The following RORB variants were observed in gnomAD, a reference collection of about 807,000 sequenced individuals.
RORB encodes RAR related orphan receptor B, also known as nuclear receptor ROR-beta.
A neutral mutation model predicts 59.1 loss-of-function variants in RORB; 6 were observed. That is an observed-to-expected ratio of 0.10 (90% CI 0.06 to 0.20). The LOEUF (loss-of-function observed/expected upper bound fraction) is 0.20, where lower values mean the gene tolerates loss of function less well. RORB is among the 10% of genes least tolerant of loss of function. The pLI is 1.00. For missense variants in RORB, 320 were observed against 560.5 expected, an observed-to-expected ratio of 0.57 and a Z score of 4.33; for synonymous variants, 215 against 204.5, an observed-to-expected ratio of 1.05 and a Z score of -0.44.
At chr9:74,654,687 T>G (rs1226911581) in intron 4 of RORB, among the ~76,000 whole-genome samples, 2 of 152,094 alleles carry the variant, frequency 1.3e-5, no homozygotes, top group Non-Finnish European at 2.9e-5. Flanking sequence ...AGACTTCTTT[T>G]TATTTGATTC....
chr9:74,670,333 C>T (rs1013774735), intron 8 of RORB, among the ~76,000 whole-genome samples: 1 of 152,108 alleles, frequency 6.6e-6, no homozygotes, highest in South Asian at 2.1e-4. Flanking sequence ...TCACTTTTCT[C>T]TTTGGGTATA....
intron 1 of RORB, among the ~76,000 whole-genome samples, chr9:74,535,736 A>C (rs1826313064): frequency 1.3e-5 from 2 of 152,030 alleles, no homozygotes; most frequent in Admixed American, 1.3e-4. Context: ...GAGCTATCCA[A>C]ATTCAGAAAA....
intron 3 of RORB, among the ~76,000 whole-genome samples, chr9:74,635,282 C>A (rs531776355): frequency 2.6e-5 from 4 of 152,074 alleles, no homozygotes; most frequent in Non-Finnish European, 5.9e-5. Context: ...ACTATCTGAG[C>A]CCATAATGAA....
chr9:74,527,417 A>C (rs1563928789), intron 1 of RORB, among the ~76,000 whole-genome samples: 1 of 152,044 alleles, frequency 6.6e-6, no homozygotes, highest in African/African-American at 2.4e-5. Context: ...TACATTCCAG[A>C]AGGGAAGGAC....
chr9:74,641,526 C>A (rs1010964659), intron 3 of RORB, among the ~76,000 whole-genome samples: 3 of 152,192 alleles, frequency 2.0e-5, no homozygotes, highest in African/African-American at 2.4e-5. Context: ...CAAAAGCCAA[C>A]TGAAGGCAAA....
chr9:74,543,438 G>C (rs1826442793), intron 1 of RORB, among the ~76,000 whole-genome samples: 1 of 152,058 alleles, frequency 6.6e-6, no homozygotes, highest in South Asian at 2.1e-4. Flanking sequence ...AATCCTCTTT[G>C]TTCATTCTTT....
Position 74,671,874 on chromosome 9 carries a change from T to C in RORB, c.1197T>C (p.Asn399=). 1 of 1,610,406 alleles carries C rather than the reference T, an allele frequency of 6.2e-7. No individual in the cohort carries two copies. Among genetic ancestry groups the C allele is most frequent in the Non-Finnish European group, 8.5e-7 (1 of 1,177,692 alleles). The part of the protein sequence containing the change: ...YFALQHVIQK[N]HLDDETLAKL... ...CACTTCAACATGTGATTCAGAAGAA[T>C]CACCTGGATGATGAGACCTTGGCAA... The change falls in exon 9 of 10, where the codon AAT becomes AAC. Residue 399 remains asparagine (N), a synonymous_variant. Coordinates refer to ENST00000376896, the MANE Select transcript of RORB (RefSeq NM_006914.4).
chr9:74,671,990 C>A, intron 9 of RORB, 89 bp downstream of exon 9: 2 of 672,306 alleles, frequency 3.0e-6, no homozygotes, highest in Non-Finnish European at 5.1e-6. Context: ...AATTTCTCAG[C>A]AGCAACAATT....
intron 9 of RORB, among the ~76,000 whole-genome samples, chr9:74,672,749 G>A (rs879403420): frequency 2.6e-5 from 4 of 152,198 alleles, no homozygotes; most frequent in East Asian, 3.9e-4. Flanking sequence ...CAGAATTATC[G>A]TAGATTTTAA....
intron 1 of RORB, among the ~76,000 whole-genome samples, chr9:74,612,390 C>T (rs1300324045): frequency 6.6e-6 from 1 of 152,062 alleles, no homozygotes; most frequent in Non-Finnish European, 1.5e-5. Context: ...CAAGGAGGAG[C>T]TTGGGTTTGT....
At chr9:74,601,220 CAACTT>C (rs1823049377) in intron 1 of RORB, among the ~76,000 whole-genome samples, 1 of 151,824 alleles carries the variant, frequency 6.6e-6, no homozygotes, top group African/African-American at 2.4e-5. Flanking sequence ...AGCTTAGAAA[CAACTT>C]AAACATTCAC....
At chr9:74,508,358 T>G (rs938450572) in intron 1 of RORB, among the ~76,000 whole-genome samples, 4 of 151,952 alleles carry the variant, frequency 2.6e-5, no homozygotes, top group Non-Finnish European at 4.4e-5. Context: ...AAATTAAAAT[T>G]TATGTGATTG....
chr9:74,595,827 G>A (rs1286965173), intron 1 of RORB, among the ~76,000 whole-genome samples: 2 of 152,114 alleles, frequency 1.3e-5, no homozygotes, highest in African/African-American at 4.8e-5. Context: ...GTTTTTTGGG[G>A]TCACGTTTAC....
rs983080192 is a variant in RORB at position 74,690,570 on chromosome 9, T to C, written c.*4952T>C. Reference sequence around the variant, plus strand: ...AGAAGAGGGCCCATAGATCGTCAGCTTGCAGCCTCTGGTTTAAAGCAAAAT... The same window carrying C: ...AGAAGAGGGCCCATAGATCGTCAGCCTGCAGCCTCTGGTTTAAAGCAAAAT... On this transcript the variant is annotated 3_prime_UTR_variant, in exon 10 of 10. Coordinates refer to ENST00000376896, the MANE Select transcript of RORB (RefSeq NM_006914.4). 1 of 152,256 alleles carries C rather than the reference T, an allele frequency of 6.6e-6. No homozygotes were observed. Among genetic ancestry groups the C allele is most frequent in the Non-Finnish European group, 1.5e-5 (1 of 68,078 alleles). 9.4% of individuals were successfully genotyped at this position (152,256 alleles called of 1,614,324 possible). A position where few individuals can be genotyped will look rare whatever the true frequency, so the allele number is the denominator to read the frequency against.
intron 1 of RORB, among the ~76,000 whole-genome samples, chr9:74,548,681 A>G (rs1329361025): frequency 6.6e-6 from 1 of 152,202 alleles, no homozygotes; most frequent in East Asian, 1.9e-4. Context: ...GTGAACTTCG[A>G]AAGTAATAAC....
chr9:74,568,642 G>A (rs3900023), intron 1 of RORB, among the ~76,000 whole-genome samples: 60,457 of 149,074 alleles, frequency 0.41, 13,435 homozygotes, highest in East Asian at 0.77. Flanking sequence ...AGAGGTTGAA[G>A]TGAGCCAAGG....
intron 1 of RORB, among the ~76,000 whole-genome samples, chr9:74,533,347 G>T (rs1408027479): frequency 6.6e-6 from 1 of 151,090 alleles, no homozygotes; most frequent in African/African-American, 2.4e-5. Flanking sequence ...TCATTCAGCT[G>T]CTCCCATTCT....
At chr9:74,544,966 A>T (rs1384362364) in intron 1 of RORB, among the ~76,000 whole-genome samples, 2 of 152,160 alleles carry the variant, frequency 1.3e-5, no homozygotes, top group Non-Finnish European at 2.9e-5. Flanking sequence ...CATTCACTTC[A>T]TCCTAAAATG....
In RORB at chr9:74,642,548, A is replaced by G; in HGVS notation, c.370A>G (p.Ser124Gly). The change falls in exon 4 of 10, where the codon AGC (serine) becomes GGC (glycine). Residue 124 changes from serine (S) to glycine (G), a missense_variant. Physicochemically the swap from Ser to Gly is moderately conservative, Grantham distance 56. This residue lies in a region of RORB where 134 missense variants were observed against 156.2 expected (regional missense o/e 0.86). Coordinates refer to ENST00000376896, the MANE Select transcript of RORB (RefSeq NM_006914.4). Reference sequence around the variant, plus strand: ...AGAAGCCCTTGCCAGGGTGTACAGCAGCAGCATTAGCAACGGCCTGAGCAA... The same window carrying G: ...AGAAGCCCTTGCCAGGGTGTACAGCGGCAGCATTAGCAACGGCCTGAGCAA... ...EAEALARVYS[S>G]SISNGLSNLN... 1.2e-6 allele frequency: 2 copies of G among 1,614,120 alleles called. No individual in the cohort carries two copies. The highest frequency in any genetic ancestry group is 4.5e-5 in the East Asian group (2 of 44,892).
Sources: gnomAD v4.1 joint callset for allele counts (sites outside exome capture counted in the v4.1 genomes callset) on GRCh38, gnomAD v4.1.1 for gene constraint, gnomAD v4.1.1 regional missense constraint, MANE v1.5 for transcripts, NCBI Gene and HGNC (gene_info 2026-07-23, HGNC 2026-07-21) for gene names.